WSB1: variants seen among roughly 807,000 people sequenced by gnomAD.
The protein encoded by WSB1 is WD repeat and SOCS box containing 1.
WSB1 carries 23 observed loss-of-function variants against 50.2 expected under a neutral mutation model. That is an observed-to-expected ratio of 0.46 (90% CI 0.33 to 0.65). WSB1 has a LOEUF of 0.65. Among genes scored for constraint, WSB1 ranks in the 30% least tolerant of loss-of-function variants. The probability of loss-of-function intolerance (pLI) is 0.02; values close to 1 mark genes in which losing one functional copy is unlikely to be tolerated. For synonymous variants in WSB1, 179 were observed against 172.0 expected, an observed-to-expected ratio of 1.04 and a Z score of -0.32; for missense variants, 492 against 522.3, an observed-to-expected ratio of 0.94 and a Z score of 0.56.
chr17:27,299,746 T>C (rs1422302938), intron 1 of WSB1, among the ~76,000 whole-genome samples: 2 of 152,194 alleles, frequency 1.3e-5, no homozygotes, highest in African/African-American at 2.4e-5. Flanking sequence ...ATTGAAAGGA[T>C]AGAGATCTCT....
At chr17:27,306,354 C>T (rs2017456868) in intron 4 of WSB1, among the ~76,000 whole-genome samples, 1 of 151,680 alleles carries the variant, frequency 6.6e-6, no homozygotes, top group African/African-American at 2.4e-5. Flanking sequence ...CTAGGATTAC[C>T]GGCATGCGCC....
At chr17:27,297,473 C>CT (rs763082323) in intron 1 of WSB1, among the ~76,000 whole-genome samples, 2,794 of 144,246 alleles carry the variant, frequency 0.019, 138 homozygotes, top group Admixed American at 0.12. Flanking sequence ...CCGGCCTACT[C>CT]TTTTTTTTTT....
At chr17:27,311,832 G>A (rs1314129716) in intron 8 of WSB1, among the ~76,000 whole-genome samples, 1 of 151,640 alleles carries the variant, frequency 6.6e-6, no homozygotes, top group Non-Finnish European at 1.5e-5. Context: ...AGTAGGGTCG[G>A]GATTTCACCA....
rs748423367 is a variant in WSB1, at chr17:27,301,918, A to G, written c.171A>G (p.Thr57=). The change falls in exon 2 of 9, where the codon ACA becomes ACG. Residue 57 remains threonine, a synonymous_variant. Coordinates refer to ENST00000262394, the MANE Select transcript of WSB1 (RefSeq NM_015626.10). ...SYFAWSQGHR[T]VKLVPWSQCL... ...TTGCTTGGTCACAAGGACATCGCAC[A>G]GTAAAGCTTGTTCCGTGGTCCCAGT... is the stretch of plus-strand genomic sequence containing the variant. 30 of 1,608,036 alleles carry G rather than the reference A, an allele frequency of 1.9e-5. No homozygotes were observed. Among genetic ancestry groups the G allele is most frequent in the Non-Finnish European group, 2.3e-5 (27 of 1,177,768 alleles).
intron 1 of WSB1, 117 bp downstream of exon 1, chr17:27,294,552 C>G: frequency 2.8e-6 from 4 of 1,433,028 alleles, no homozygotes; most frequent in Non-Finnish European, 3.8e-6. Flanking sequence ...TGCGCCAGGG[C>G]CAGCCCACTA....
At chr17:27,304,707 G>A in intron 3 of WSB1, 73 bp from the exon 4 acceptor site, 1 of 1,487,030 alleles carries the variant, frequency 6.7e-7, no homozygotes, top group African/African-American at 1.4e-5. Flanking sequence ...GTGAGACCCT[G>A]TCTCAAGAAA....
At chr17:27,304,181 A>G (rs899900308) in intron 3 of WSB1, among the ~76,000 whole-genome samples, 11 of 152,240 alleles carry the variant, frequency 7.2e-5, no homozygotes, top group Non-Finnish European at 1.3e-4. Flanking sequence ...GAACATGTAC[A>G]TTAGAACATA....
In WSB1 at chr17:27,315,748, A is replaced by G. The variant is rs2017816489; in HGVS notation, c.*3379A>G. The G allele has an allele frequency of 6.6e-6, 1 of 152,260 alleles. No individual in the cohort carries two copies. Among genetic ancestry groups the G allele is most frequent in the Non-Finnish European group, 1.5e-5 (1 of 68,046 alleles). 9.4% of individuals were successfully genotyped at this position (152,260 alleles called of 1,614,324 possible). On this transcript the variant is annotated 3_prime_UTR_variant, in exon 9 of 9. Transcript: ENST00000262394. ...TGGCTTATGATAATACATTTTAACTAGCAAGTGTGTGGACTATAAAACAAA... is the reference window on the plus strand; with the variant it reads ...TGGCTTATGATAATACATTTTAACTGGCAAGTGTGTGGACTATAAAACAAA...
At chr17:27,306,202 CTTTTTT>C (rs907711059) in intron 4 of WSB1, among the ~76,000 whole-genome samples, 109 of 63,132 alleles carry the variant, frequency 1.7e-3, no homozygotes, top group African/African-American at 6.3e-3. Context: ...AGAATTCTGT[CTTTTTT>C]TTTTTTTTTT....
intron 3 of WSB1, 102 bp from the exon 4 acceptor site, chr17:27,304,678 C>G (rs1250524901): frequency 2.4e-6 from 3 of 1,234,692 alleles, no homozygotes; most frequent in Non-Finnish European, 3.3e-6. Flanking sequence ...CGCCATTGCA[C>G]TCCAGCCTGA....
At position 27,298,008 on chromosome 17, in the gene WSB1, A is replaced by G. The variant is rs747933775; in HGVS notation, c.40+3573A>G. 4.6e-5 allele frequency among the ~76,000 whole-genome samples: 7 copies of G among 151,442 alleles called. 1 individual carries two copies. Among genetic ancestry groups the G allele is most frequent in the Non-Finnish European group, 1.0e-4 (7 of 67,854 alleles). On this transcript the variant is annotated intron_variant, in intron 1 of 8. Transcript: ENST00000262394. Reference sequence around the variant, plus strand: ...TCATGATGGTGCATACCTGTAATCTAAGCTACTCGGGAGGCTGAGGCAGGG... The same window carrying G: ...TCATGATGGTGCATACCTGTAATCTGAGCTACTCGGGAGGCTGAGGCAGGG...
At chr17:27,295,074 C>T (rs1352812927) in intron 1 of WSB1, among the ~76,000 whole-genome samples, 6 of 152,156 alleles carry the variant, frequency 3.9e-5, no homozygotes, top group Non-Finnish European at 7.3e-5. Flanking sequence ...GCTTTTCTGG[C>T]TTAGTGTCTA....
intron 5 of WSB1, chr17:27,308,065 T>C: frequency 8.6e-7 from 1 of 1,167,268 alleles, no homozygotes. Context: ...GAAACCAATT[T>C]AATGTAAAGT....
chr17:27,294,188 T>C lies in WSB1; in HGVS notation c.-208T>C, dbSNP rs2016845172. The C allele has an allele frequency of 3.7e-6, 2 of 533,880 alleles. No individual in the cohort carries two copies. The highest frequency in any genetic ancestry group is 4.9e-5 in the South Asian group (2 of 40,986). 33.1% of individuals were successfully genotyped at this position (533,880 alleles called of 1,614,324 possible). A position where few individuals can be genotyped will look rare whatever the true frequency, so the allele number is the denominator to read the frequency against. On this transcript the variant is annotated 5_prime_UTR_variant, in exon 1 of 9. Coordinates refer to ENST00000262394, the MANE Select transcript of WSB1 (RefSeq NM_015626.10). ...GCGCGAGGCTGGGTACAGGGTCTAT[T>C]GTCTGTGGTTGACTCCGTACTTTGG...
chr17:27,310,205 T>G, intron 7 of WSB1, 31 bp downstream of exon 7: 1 of 1,592,620 alleles, frequency 6.3e-7, no homozygotes, highest in East Asian at 2.2e-5. Flanking sequence ...TTGACTGACT[T>G]ACTATTACCT....
At chr17:27,309,592 T>TC (rs1473814896) in intron 6 of WSB1, among the ~76,000 whole-genome samples, 1 of 151,642 alleles carries the variant, frequency 6.6e-6, no homozygotes, top group Non-Finnish European at 1.5e-5. Context: ...ATAAAAGATT[T>TC]TTTTTTTTTT....
At chr17:27,308,044 G>A in intron 5 of WSB1, 1 of 1,195,544 alleles carries the variant, frequency 8.4e-7, no homozygotes, top group Non-Finnish European at 1.0e-6. Context: ...GGAATTGGGA[G>A]TCTGACAAGT....
At chr17:27,297,271 T>C (rs1271016425) in intron 1 of WSB1, 1 of 152,144 alleles carries the variant, frequency 6.6e-6, no homozygotes. Context: ...GATCAAGCAG[T>C]TCTCCTGCCT....
intron 1 of WSB1, among the ~76,000 whole-genome samples, chr17:27,298,126 G>GAAAAAAAAAAAAAAA (rs35222722): frequency 1.3e-5 from 1 of 74,220 alleles, no homozygotes; most frequent in Non-Finnish European, 2.5e-5. Context: ...CTCCGTCTCA[G>GAAAAAAAAAAAAAAA]AAAAAAAAAA....
Sources: gnomAD v4.1 joint callset for allele counts (sites outside exome capture counted in the v4.1 genomes callset) on GRCh38, gnomAD v4.1.1 for gene constraint, MANE v1.5 for transcripts, NCBI Gene and HGNC (gene_info 2026-07-23, HGNC 2026-07-21) for gene names.